Variants in CCSER1 observed in about 807,000 individuals in gnomAD.
The protein encoded by CCSER1 is serine-rich coiled-coil domain-containing protein 1.
Under a neutral mutation model 82.0 loss-of-function variants are expected in CCSER1, and 41 were observed. The observed-to-expected ratio is 0.50, with a 90% CI of 0.39 to 0.65. The LOEUF (loss-of-function observed/expected upper bound fraction) is 0.65, where lower values mean the gene tolerates loss of function less well. Among genes scored for constraint, CCSER1 ranks in the 30% least tolerant of loss-of-function variants. The pLI, the probability that CCSER1 is intolerant of heterozygous loss-of-function variation, is 0.00. For missense variants in CCSER1, 1,119 were observed against 1,064.2 expected, an observed-to-expected ratio of 1.05 and a Z score of -0.72; for synonymous variants, 414 against 383.9, an observed-to-expected ratio of 1.08 and a Z score of -0.92.
intron 8 of CCSER1, among the ~76,000 whole-genome samples, chr4:90,818,928 A>G (rs1390306180): frequency 6.6e-6 from 1 of 152,200 alleles, no homozygotes; most frequent in Non-Finnish European, 1.5e-5. Context: ...TTGGGCTATT[A>G]AATATGTAAC....
intron 5 of CCSER1, among the ~76,000 whole-genome samples, chr4:90,585,299 A>T (rs1404504224): frequency 1.3e-5 from 2 of 152,198 alleles, no homozygotes; most frequent in East Asian, 3.8e-4. Context: ...CAACTTGGAA[A>T]ACTATTGGAG....
rs140630919 is a variant in CCSER1, at chr4:90,401,781, C to T, written c.1603+1652C>T. Among the ~76,000 whole-genome samples, 30 of 152,218 alleles carry T rather than the reference C, an allele frequency of 2.0e-4. 1 individual carries two copies. Among genetic ancestry groups the T allele is most frequent in the Admixed American group, 5.2e-4 (8 of 15,290 alleles). The stretch of plus-strand genomic sequence containing the variant: ...TAGGCTCAAAAGATCCACTTGCCTC[C>T]GTCTCCCAAAGTGCAGGGATTACAA... On this transcript the variant is annotated intron_variant, in intron 4 of 10. Transcript: ENST00000509176.
intron 1 of CCSER1, among the ~76,000 whole-genome samples, chr4:90,307,578 A>G (rs1025459692): frequency 1.3e-5 from 2 of 151,988 alleles, no homozygotes; most frequent in South Asian, 2.1e-4. Flanking sequence ...CAGCACACCA[A>G]CATGGCACAT....
chr4:90,764,753 T>G (rs991825738), intron 7 of CCSER1, among the ~76,000 whole-genome samples: 2 of 152,090 alleles, frequency 1.3e-5, no homozygotes. Context: ...TTTAAAAACT[T>G]TATTTTTCTC....
intron 10 of CCSER1, among the ~76,000 whole-genome samples, chr4:91,496,613 TA>T (rs367708727): frequency 0.24 from 5,919 of 25,162 alleles, 2,547 homozygotes; most frequent in Non-Finnish European, 0.4. Context: ...AATATATATA[TA>T]CACGAATATA....
At chr4:91,471,874 G>A (rs1757292104) in intron 10 of CCSER1, among the ~76,000 whole-genome samples, 1 of 151,082 alleles carries the variant, frequency 6.6e-6, no homozygotes, top group Admixed American at 6.6e-5. Flanking sequence ...TGAGACTGAG[G>A]CAGGAGAATG....
At chr4:91,570,002 A>G (rs1422816134) in intron 10 of CCSER1, among the ~76,000 whole-genome samples, 1 of 152,074 alleles carries the variant, frequency 6.6e-6, no homozygotes, top group Admixed American at 6.5e-5. Flanking sequence ...GGGTAAATAC[A>G]CCCATTCCAA....
intron 5 of CCSER1, among the ~76,000 whole-genome samples, chr4:90,523,071 G>A (rs1186016611): frequency 6.6e-6 from 1 of 152,018 alleles, no homozygotes; most frequent in Non-Finnish European, 1.5e-5. Context: ...AGAATCTTCA[G>A]GTAGGAATAT....
chr4:91,269,758 C>G (rs969221908), intron 10 of CCSER1, among the ~76,000 whole-genome samples: 2 of 152,082 alleles, frequency 1.3e-5, no homozygotes, highest in Non-Finnish European at 2.9e-5. Flanking sequence ...ATTTAAATAT[C>G]AAGAGAACTT....
intron 6 of CCSER1, among the ~76,000 whole-genome samples, chr4:90,649,835 G>A (rs1037554524): frequency 1.3e-5 from 2 of 152,134 alleles, no homozygotes; most frequent in Admixed American, 6.6e-5. Flanking sequence ...GGCTGGGTGT[G>A]GTGGCTCACA....
intron 10 of CCSER1, among the ~76,000 whole-genome samples, chr4:91,393,390 A>G (rs1751780143): frequency 6.6e-6 from 1 of 152,128 alleles, no homozygotes; most frequent in Non-Finnish European, 1.5e-5. Context: ...ATTGAAATCT[A>G]TATTGAGTGC....
At chr4:91,519,661 T>C (rs139914043) in intron 10 of CCSER1, among the ~76,000 whole-genome samples, 32 of 152,304 alleles carry the variant, frequency 2.1e-4, no homozygotes, top group Admixed American at 9.1e-4. Context: ...CAAAGATCTA[T>C]TGAAGAAATG....
intron 10 of CCSER1, among the ~76,000 whole-genome samples, chr4:91,301,240 T>G (rs1744641442): frequency 6.6e-6 from 1 of 151,964 alleles, no homozygotes; most frequent in South Asian, 2.1e-4. Flanking sequence ...TATTCTCCTT[T>G]TATATAAACA....
At chr4:91,209,284 T>G (rs1300699476) in intron 10 of CCSER1, among the ~76,000 whole-genome samples, 1 of 151,998 alleles carries the variant, frequency 6.6e-6, no homozygotes, top group Admixed American at 6.6e-5. Flanking sequence ...CATCCTTGTC[T>G]TGTGCCAGTT....
chr4:91,028,595 A>T (rs1483131143), intron 9 of CCSER1, among the ~76,000 whole-genome samples: 1 of 151,988 alleles, frequency 6.6e-6, no homozygotes, highest in Non-Finnish European at 1.5e-5. Flanking sequence ...AGCATGACAT[A>T]ATGAATATTA....
chr4:90,912,907 A>G (rs578095199), intron 8 of CCSER1, among the ~76,000 whole-genome samples: 1 of 152,338 alleles, frequency 6.6e-6, no homozygotes, highest in Admixed American at 6.5e-5. Flanking sequence ...GATCAAATGA[A>G]CGAAATGAAG....
intron 5 of CCSER1, among the ~76,000 whole-genome samples, chr4:90,543,886 G>C (rs186090252): frequency 1.3e-5 from 2 of 152,060 alleles, no homozygotes; most frequent in Non-Finnish European, 2.9e-5. Context: ...TTAAACCCTC[G>C]GATCTGAAAT....
intron 7 of CCSER1, among the ~76,000 whole-genome samples, chr4:90,746,169 A>T (rs1360391121): frequency 2.0e-5 from 3 of 152,178 alleles, no homozygotes; most frequent in Non-Finnish European, 4.4e-5. Context: ...AATTATGTTT[A>T]TTTACAATTT....
intron 1 of CCSER1, among the ~76,000 whole-genome samples, chr4:90,266,523 C>T (rs1578840820): frequency 6.6e-6 from 1 of 152,074 alleles, no homozygotes; most frequent in Admixed American, 6.6e-5. Context: ...GTTAACCATC[C>T]TAGTACGTGG....
Sources: allele counts gnomAD v4.1 joint callset (sites outside exome capture counted in the v4.1 genomes callset), GRCh38; gene constraint gnomAD v4.1.1; transcripts MANE v1.5; gene names NCBI Gene and HGNC (gene_info 2026-07-23, HGNC 2026-07-21).